The following ASTL variants were observed in gnomAD, a reference collection of about 807,000 sequenced individuals.
ASTL encodes the protein astacin like metalloendopeptidase.
Under a neutral mutation model 36.7 loss-of-function variants are expected in ASTL, and 27 were observed. That is an observed-to-expected ratio of 0.73 (90% confidence interval 0.54 to 1.01). ASTL has a LOEUF of 1.01. ASTL is among the 50% of genes least tolerant of loss of function. The probability of loss-of-function intolerance (pLI) is 0.00; values close to 1 mark genes in which losing one functional copy is unlikely to be tolerated. For missense variants in ASTL, 524 were observed against 572.8 expected (o/e 0.91, Z 0.87); for synonymous variants, 222 against 228.1 (o/e 0.97, Z 0.24).
rs1445370706 is a variant in ASTL, at chr2:96,123,889, A to G, written c.1257T>C (p.Cys419=). ...TCCCCTTGAAATGATTTCTAGGTAC[A>G]CAGCCCCCTGGCAGAGCTGGGCTTC... is the stretch of plus-strand genomic sequence containing the variant. The part of the protein sequence containing the change: ...VQGSPALPGG[C]VPRNHFKGMS... The change falls in exon 9 of 9, where the codon TGT becomes TGC. Residue 419 remains cysteine (C), a synonymous_variant. Transcript: ENST00000342380. The G allele has an allele frequency of 1.2e-6, 2 of 1,613,958 alleles. No individual in the cohort carries two copies. The highest frequency in any genetic ancestry group is 1.7e-6 in the Non-Finnish European group (2 of 1,179,940).
chr2:96,130,723 G>A (rs1036830893), intron 6 of ASTL, among the ~76,000 whole-genome samples: 4 of 152,096 alleles, frequency 2.6e-5, no homozygotes, highest in Non-Finnish European at 4.4e-5. Flanking sequence ...AGCCAGCCAC[G>A]CATACACGCC....
rs1681990796 is a variant in ASTL at position 96,123,111 on chromosome 2, A to G, written c.*739T>C. 6.6e-6 allele frequency among the ~76,000 whole-genome samples: 1 copy of G among 152,242 alleles called. No homozygotes were observed. Among genetic ancestry groups the G allele is most frequent in the African/African-American group, 2.4e-5 (1 of 41,468 alleles). On this transcript the variant is annotated 3_prime_UTR_variant, in exon 9 of 9. Coordinates refer to ENST00000342380, the MANE Select transcript of ASTL (RefSeq NM_001002036.4). The stretch of plus-strand genomic sequence containing the variant: ...GGGCTTTCCTGGAGGAGGACAAGCC[A>G]GGTAACCCCAGCCCTTTCTCCTTCC...
chr2:96,133,706 G>T (rs1228050250), intron 4 of ASTL, 164 bp from the exon 5 acceptor site: 1 of 641,782 alleles, frequency 1.6e-6, no homozygotes, highest in East Asian at 2.7e-5. Context: ...CCCTGGCTGT[G>T]TGGCCTTGGG....
At chr2:96,137,816 G>A (rs562456188) in intron 1 of ASTL, 116 bp from the exon 2 acceptor site, 3 of 1,088,550 alleles carry the variant, frequency 2.8e-6, no homozygotes, top group East Asian at 2.5e-5. Flanking sequence ...TCCCTAGGAA[G>A]AGTAGGCTCC....
Position 96,138,443 on chromosome 2 carries a change from G to A in ASTL, c.-7C>T. ...GACCCCCTACACCCTCCATGGTAGA[G>A]CCCTGCTGCCCCTTCAGCAAACAAG... On this transcript the variant is annotated 5_prime_UTR_variant, in exon 1 of 9. Transcript: ENST00000342380. The A allele has an allele frequency of 1.9e-6, 3 of 1,607,818 alleles. No homozygotes were observed. The highest frequency in any genetic ancestry group is 2.5e-6 in the Non-Finnish European group (3 of 1,176,876).
chr2:96,124,147 C>T lies in ASTL; in HGVS notation c.999G>A (p.Gln333=). 1 of 1,569,032 alleles carries T rather than the reference C, an allele frequency of 6.4e-7. No homozygotes were observed. Among genetic ancestry groups the T allele is most frequent in the Non-Finnish European group, 8.6e-7 (1 of 1,156,926 alleles). ...PDPSGSSAGG[Q]PVPAGPGESP... is the part of the protein sequence containing the mutation. ...TCTCCCCAGGCCCTGCAGGAACGGGCTGGCCTCCCGCACTGGAACCACTGG... is the reference window on the plus strand; with the variant it reads ...TCTCCCCAGGCCCTGCAGGAACGGGTTGGCCTCCCGCACTGGAACCACTGG... The change falls in exon 9 of 9, where the codon CAG becomes CAA. Residue 333 remains glutamine (Q), a synonymous_variant. Transcript: ENST00000342380. The surrounding 1 kb of genome is among the most constrained non-coding windows in gnomAD (Gnocchi z 4.1).
chr2:96,137,460 C>T, intron 2 of ASTL, 115 bp downstream of exon 2: 1 of 1,269,268 alleles, frequency 7.9e-7, no homozygotes, highest in Non-Finnish European at 1.1e-6. Flanking sequence ...CACTTAGAGC[C>T]CAGAGTAAGC....
In ASTL at chr2:96,125,179, G is replaced by A. The variant is rs541837961; in HGVS notation, c.875-908C>T. Among the ~76,000 whole-genome samples the A allele has an allele frequency of 2.0e-5, 3 of 152,198 alleles. No individual in the cohort carries two copies. The South Asian group carries it at 6.2e-4, about 32-fold the overall frequency. On this transcript the variant is annotated intron_variant, in intron 8 of 8. Transcript: ENST00000342380. ...CAGCCCCCATGGCAGTCACCCCTCG[G>A]AGGTAGCCTCAACCACCTTTCCCTG...
chr2:96,126,618 G>A (rs567431435), intron 8 of ASTL, among the ~76,000 whole-genome samples: 4 of 152,296 alleles, frequency 2.6e-5, no homozygotes, highest in Admixed American at 2.6e-4. Flanking sequence ...AGCACTTTGG[G>A]AGGCCGAGAC....
chr2:96,129,865 A>G lies in ASTL; in HGVS notation c.833T>C (p.Leu278Pro), dbSNP rs747922771. Reference protein sequence around the residue: ...SASDITRVLKLYGCSPSGPRP... With the variant: ...SASDITRVLKPYGCSPSGPRP... Reference sequence around the variant, plus strand: ...GGGGCCACTTGGGCTGCAGCCGTAGAGTTTGAGGACCCGGGTGATGTCCGA... The same window carrying G: ...GGGGCCACTTGGGCTGCAGCCGTAGGGTTTGAGGACCCGGGTGATGTCCGA... Residue 278 changes from leucine (L) to proline (P), a missense_variant, in exon 8 of 9, where the codon CTC becomes CCC. Coordinates refer to ENST00000342380, the MANE Select transcript of ASTL (RefSeq NM_001002036.4). The G allele has an allele frequency of 1.9e-6, 3 of 1,595,636 alleles. No homozygotes were observed. The highest frequency in any genetic ancestry group is 1.7e-5 in the Admixed American group (1 of 59,038).
rs1681988258 is a variant in ASTL, at chr2:96,122,983, C to A, written c.*867G>T. Among the ~76,000 whole-genome samples, 1 of 152,226 alleles carries A rather than the reference C, an allele frequency of 6.6e-6. No individual in the cohort carries two copies. The highest frequency in any genetic ancestry group is 2.4e-5 in the African/African-American group (1 of 41,456). On this transcript the variant is annotated 3_prime_UTR_variant, in exon 9 of 9. Transcript: ENST00000342380. The stretch of plus-strand genomic sequence containing the variant: ...CACTCATTGGCACCCTGGATGCTTT[C>A]TTCATGCCTGGGACAAACCTCATGG...
chr2:96,135,573 C>T (rs1031503313), intron 2 of ASTL, among the ~76,000 whole-genome samples, 161 bp from the exon 3 acceptor site: 2 of 152,262 alleles, frequency 1.3e-5, no homozygotes, highest in African/African-American at 4.8e-5. Context: ...TATAGGTCAT[C>T]GGCTCTCCGA....
rs72935901 is a variant in ASTL, at chr2:96,131,444, G to A, written c.637+1096C>T. 5.2e-3 allele frequency among the ~76,000 whole-genome samples: 791 copies of A among 152,218 alleles called. 5 individuals carry two copies. The highest frequency in any genetic ancestry group is 9.1e-3 in the Non-Finnish European group (620 of 68,016). ...TTTACATTGGTCTACTTTCAGAGTT[G>A]CAGGTTTTCATGGCATTTCATGGTA... On this transcript the variant is annotated intron_variant, in intron 6 of 8. Coordinates refer to ENST00000342380, the MANE Select transcript of ASTL (RefSeq NM_001002036.4).
In ASTL at chr2:96,133,604, G is replaced by T. The variant is rs536728312; in HGVS notation, c.338-62C>A. 2.2e-4 allele frequency: 267 copies of T among 1,221,922 alleles called. 1 individual carries two copies. The South Asian group carries it at 3.1e-3, about 14-fold the overall frequency. The allele number at this position is 1,221,922 out of a possible 1,614,324, so 75.7% of individuals were successfully genotyped here. ...GGTGGTCTTTGAGCTCTACCTGAGGGTCTGGGAGCAGAGCTCTGAACTCAC... is the reference window on the plus strand; with the variant it reads ...GGTGGTCTTTGAGCTCTACCTGAGGTTCTGGGAGCAGAGCTCTGAACTCAC... On this transcript the variant is annotated intron_variant, in intron 4 of 8. Transcript: ENST00000342380.
chr2:96,132,375 C>CA lies in ASTL; in HGVS notation c.637+164dup, dbSNP rs1471232275. Reference sequence around the variant, plus strand: ...AGAGCAGCACCCAGAGTACCACCTCCAGGTACCAGGTACCAGACAGAAGTG... The same window carrying CA: ...AGAGCAGCACCCAGAGTACCACCTCCAAGGTACCAGGTACCAGACAGAAGTG... On this transcript the variant is annotated intron_variant, in intron 6 of 8. Coordinates refer to ENST00000342380, the MANE Select transcript of ASTL (RefSeq NM_001002036.4). The surrounding 1 kb of genome is among the most constrained non-coding windows in gnomAD (Gnocchi z 5.4). 6.6e-6 allele frequency among the ~76,000 whole-genome samples: 1 copy of CA among 152,200 alleles called. No individual in the cohort carries two copies. Among genetic ancestry groups the CA allele is most frequent in the Non-Finnish European group, 1.5e-5 (1 of 68,016 alleles).
intron 8 of ASTL, among the ~76,000 whole-genome samples, chr2:96,127,177 G>A (rs529591915): frequency 3.6e-4 from 55 of 152,208 alleles, no homozygotes; most frequent in Admixed American, 8.5e-4. Context: ...AAATGTCTAG[G>A]CAAATCCGGA....
chr2:96,133,433 G>A lies in ASTL; in HGVS notation c.447C>T (p.Pro149=). The A allele has an allele frequency of 6.2e-7, 1 of 1,604,254 alleles. No homozygotes were observed. Among genetic ancestry groups the A allele is most frequent in the Non-Finnish European group, 8.5e-7 (1 of 1,170,974 alleles). ...CTGGCCCCGGCACTTACCCATACAT[G>A]GGGATGATGGAAATGAAGTCTCTCT... ...QDQRDFISII[P]MYGCFSSVGR... The change falls in exon 5 of 9, where the codon CCC becomes CCT. Residue 149 remains proline, a synonymous_variant. Coordinates refer to ENST00000342380, the MANE Select transcript of ASTL (RefSeq NM_001002036.4).
Position 96,132,729 on chromosome 2 carries a change from G to T in ASTL, c.456-8C>A. On this transcript the variant is annotated splice_polypyrimidine_tract_variant and splice_region_variant and intron_variant, in intron 5 of 8. Transcript: ENST00000342380. This position sits in a 1 kb window ranked among gnomAD's most constrained non-coding sequence, Gnocchi z 5.4. ...CCCACACTCGAGAAGCACCTGCAGG[G>T]TGATGAGAGCAAGTGGGGTAAGTGC... 6.2e-7 allele frequency: 1 copy of T among 1,603,090 alleles called. No homozygotes were observed. Among genetic ancestry groups the T allele is most frequent in the South Asian group, 1.1e-5 (1 of 90,752 alleles).
At chr2:96,137,991 G>A (rs557249465) in intron 1 of ASTL, among the ~76,000 whole-genome samples, 24 of 152,280 alleles carry the variant, frequency 1.6e-4, no homozygotes, top group African/African-American at 5.5e-4. Context: ...GACAGACCTC[G>A]GGTTCTGACG....
Sources: allele counts gnomAD v4.1 joint callset (sites outside exome capture counted in the v4.1 genomes callset), GRCh38; gene constraint gnomAD v4.1.1; non-coding constraint Gnocchi (gnomAD v3.1); transcripts MANE v1.5; gene names NCBI Gene and HGNC (gene_info 2026-07-23, HGNC 2026-07-21).